JPH3: variants seen among roughly 807,000 people sequenced by gnomAD.
The protein encoded by JPH3 is junctophilin-3.
Under a neutral mutation model 59.6 loss-of-function variants are expected in JPH3, and 11 were observed. That is an observed-to-expected ratio of 0.18 (90% confidence interval 0.12 to 0.31). The LOEUF (loss-of-function observed/expected upper bound fraction) is 0.31, where lower values mean the gene tolerates loss of function less well. JPH3 is among the 10% of genes least tolerant of loss of function. The probability of loss-of-function intolerance (pLI) is 1.00; values close to 1 mark genes in which losing one functional copy is unlikely to be tolerated. For missense variants in JPH3, 1,202 were observed against 1,105.7 expected (o/e 1.09, Z -1.24); for synonymous variants, 673 against 483.6 (o/e 1.39, Z -5.14).
chr16:87,624,431 C>T (rs1194543751), intron 1 of JPH3, among the ~76,000 whole-genome samples: 2 of 152,146 alleles, frequency 1.3e-5, no homozygotes, highest in African/African-American at 2.4e-5. Flanking sequence ...TTTTGTGTGT[C>T]GCTTCTGTTG....
chr16:87,679,239 C>T (rs2033225559), intron 2 of JPH3, among the ~76,000 whole-genome samples: 1 of 152,158 alleles, frequency 6.6e-6, no homozygotes, highest in Non-Finnish European at 1.5e-5. Flanking sequence ...CTTAGGGTTT[C>T]TCTCTTTCTT....
At chr16:87,620,447 A>AGAGAGAAGGAGAGGAGAGAGG (rs2031132982) in intron 1 of JPH3, among the ~76,000 whole-genome samples, 2 of 75,538 alleles carry the variant, frequency 2.6e-5, no homozygotes, top group Non-Finnish European at 6.0e-5. Flanking sequence ...AGGGAGAGAG[A>AGAGAGAAGGAGAGGAGAGAGG]GAGAGAAGGA....
intron 2 of JPH3, among the ~76,000 whole-genome samples, chr16:87,678,054 T>A (rs1469463398): frequency 6.6e-6 from 1 of 151,608 alleles, no homozygotes; most frequent in Non-Finnish European, 1.5e-5. Context: ...GAGTTCGGAA[T>A]CAGCCTGGGC....
intron 2 of JPH3, among the ~76,000 whole-genome samples, chr16:87,670,944 G>A (rs773193061): frequency 7.9e-5 from 12 of 152,122 alleles, no homozygotes; most frequent in Non-Finnish European, 1.6e-4. Flanking sequence ...ATTGATCCTG[G>A]CCCTCCCTGA....
At chr16:87,685,921 A>G (rs1007600659) in intron 3 of JPH3, among the ~76,000 whole-genome samples, 2 of 152,174 alleles carry the variant, frequency 1.3e-5, no homozygotes, top group African/African-American at 4.8e-5. Context: ...GGGTCTGTGC[A>G]GGTGTCATTA....
chr16:87,632,726 CTA>C (rs1293295548), intron 1 of JPH3, among the ~76,000 whole-genome samples: 4 of 152,150 alleles, frequency 2.6e-5, no homozygotes, highest in Non-Finnish European at 5.9e-5. Flanking sequence ...AACTTTGTCT[CTA>C]TTAAAAACAC....
intron 2 of JPH3, among the ~76,000 whole-genome samples, chr16:87,664,244 T>C (rs2150861762): frequency 6.7e-6 from 1 of 149,064 alleles, no homozygotes; most frequent in Middle Eastern, 3.4e-3. Context: ...GGCAGGAGAA[T>C]GGCGTGAACC....
chr16:87,638,689 G>A (rs1312013714), intron 1 of JPH3, among the ~76,000 whole-genome samples: 1 of 152,114 alleles, frequency 6.6e-6, no homozygotes, highest in African/African-American at 2.4e-5. Flanking sequence ...TGCTGAGAAT[G>A]AGCCAGTGTT....
At chr16:87,680,842 A>C (rs748262674) in intron 2 of JPH3, among the ~76,000 whole-genome samples, 10 of 152,146 alleles carry the variant, frequency 6.6e-5, no homozygotes, top group Non-Finnish European at 1.0e-4. Context: ...CTTTTTATAT[A>C]CGTGTGAACG....
chr16:87,613,476 A>G (rs1054235744), intron 1 of JPH3, among the ~76,000 whole-genome samples: 3 of 151,542 alleles, frequency 2.0e-5, no homozygotes, highest in Admixed American at 6.6e-5. Context: ...GCCCACGACC[A>G]TGCCTGGCTA....
chr16:87,683,627 GAC>G (rs2033347950), intron 2 of JPH3, among the ~76,000 whole-genome samples: 1 of 140,000 alleles, frequency 7.1e-6, no homozygotes, highest in Non-Finnish European at 1.5e-5. Context: ...TTTTCCTTGA[GAC>G]AGAGTCTTGC....
rs1374480451 is a variant in JPH3 at position 87,614,972 on chromosome 16, G to C, written c.382+11444G>C. On this transcript the variant is annotated intron_variant, in intron 1 of 4. Transcript: ENST00000284262. The stretch of plus-strand genomic sequence containing the variant: ...GATAAACGCTGGTCCCTGCACACAC[G>C]AGGAGCCGCGCGTCCCCTCCCGGGA... Among the ~76,000 whole-genome samples the C allele has an allele frequency of 4.4e-3, 422 of 96,066 alleles. 2 individuals are homozygous for C. The highest frequency in any genetic ancestry group is 0.029 in the Middle Eastern group (4 of 136). 63.0% of individuals were successfully genotyped at this position (96,066 alleles called of 152,430 possible).
rs1003850374 is a variant in JPH3, at chr16:87,677,181, T to C, written c.1161-6961T>C. On this transcript the variant is annotated intron_variant, in intron 2 of 4. Coordinates refer to ENST00000284262, the MANE Select transcript of JPH3 (RefSeq NM_020655.4). ...TATACACACACACACGCACTATATA[T>C]ATATACACACACACACACACACACA... Among the ~76,000 whole-genome samples, 499 of 72,596 alleles carry C rather than the reference T, an allele frequency of 6.9e-3. 6 individuals carry two copies. Among genetic ancestry groups the C allele is most frequent in the African/African-American group, 0.03 (451 of 15,270 alleles). 47.6% of individuals were successfully genotyped at this position (72,596 alleles called of 152,430 possible). A position where few individuals can be genotyped will look rare whatever the true frequency, so the allele number is the denominator to read the frequency against.
chr16:87,626,848 A>T (rs2150832631), intron 1 of JPH3, among the ~76,000 whole-genome samples: 1 of 152,336 alleles, frequency 6.6e-6, no homozygotes, highest in South Asian at 2.1e-4. Context: ...CTAAAAGATC[A>T]TGTAAATAGA....
intron 2 of JPH3, among the ~76,000 whole-genome samples, chr16:87,652,048 C>T (rs1392832905): frequency 6.6e-6 from 1 of 152,006 alleles, no homozygotes; most frequent in African/African-American, 2.4e-5. Flanking sequence ...GATCTTGGCT[C>T]ACTGCAAGCT....
intron 1 of JPH3, chr16:87,605,010 C>T (rs1240505222): frequency 4.5e-6 from 2 of 443,338 alleles, no homozygotes; most frequent in African/African-American, 4.0e-5. Context: ...CGTGCAGGCA[C>T]AGGGAGGCCC....
Position 87,603,235 on chromosome 16 carries a change from G to C in JPH3, c.89G>C (p.Cys30Ser). ...GGCAAGGCGCACGGCCATGGCGTCT[G>C]CACCGGCCCCAAGGGCCAAGGCGAA... The part of the protein sequence containing the change: ...EDGKAHGHGV[C>S]TGPKGQGEYT... The change falls in exon 1 of 5, where the codon TGC (cysteine) becomes TCC (serine). Residue 30 changes from cysteine (C) to serine (S), a missense_variant. Cys to Ser is a moderately radical substitution (Grantham distance 112). Coordinates refer to ENST00000284262, the MANE Select transcript of JPH3 (RefSeq NM_020655.4). 2 of 1,613,874 alleles carry C rather than the reference G, an allele frequency of 1.2e-6. No individual in the cohort carries two copies. The highest frequency in any genetic ancestry group is 1.7e-6 in the Non-Finnish European group (2 of 1,179,932).
chr16:87,677,158 T>TAC (rs1257368124), intron 2 of JPH3, among the ~76,000 whole-genome samples: 1 of 139,176 alleles, frequency 7.2e-6, no homozygotes. Context: ...GACTCCATTA[T>TAC]ACACACACAC....
chr16:87,626,642 C>T (rs576902486), intron 1 of JPH3, among the ~76,000 whole-genome samples: 1 of 152,362 alleles, frequency 6.6e-6, no homozygotes, highest in Non-Finnish European at 1.5e-5. Flanking sequence ...GGCCTGAGGC[C>T]GCCACACTCA....
Sources: gnomAD v4.1 joint callset for allele counts (sites outside exome capture counted in the v4.1 genomes callset) on GRCh38, gnomAD v4.1.1 for gene constraint, MANE v1.5 for transcripts, NCBI Gene and HGNC (gene_info 2026-07-23, HGNC 2026-07-21) for gene names.